The following XYLB variants were observed in gnomAD, a reference collection of about 807,000 sequenced individuals.
XYLB encodes xylulokinase, also known as xylulose kinase.
XYLB carries 62 observed loss-of-function variants against 78.7 expected under a neutral mutation model. The observed-to-expected ratio is 0.79, with a 90% CI of 0.64 to 0.97. XYLB has a LOEUF of 0.97. XYLB is among the 50% of genes least tolerant of loss of function. The pLI is 0.00. For missense variants in XYLB, 687 were observed against 676.8 expected (o/e 1.02, Z -0.17); for synonymous variants, 245 against 247.4 (o/e 0.99, Z 0.09).
chr3:38,392,359 C>T (rs1389812188), intron 15 of XYLB, among the ~76,000 whole-genome samples: 7 of 152,098 alleles, frequency 4.6e-5, no homozygotes, highest in East Asian at 1.9e-4. Context: ...AGTGCAATGG[C>T]GCGATCTCGG....
chr3:38,448,678 T>TCCTC, the XYLB span, among the ~76,000 whole-genome samples: 1 of 152,210 alleles, frequency 6.6e-6, no homozygotes, highest in Non-Finnish European at 1.5e-5. Context: ...CTCTGGTGGG[T>TCCTC]AGTTAAATTA....
chr3:38,366,725 T>G (rs1706282550), intron 6 of XYLB, 83 bp from the exon 7 acceptor site: 2 of 946,834 alleles, frequency 2.1e-6, no homozygotes. Context: ...ATCCAGAGCA[T>G]GCTACATTAA....
At position 38,372,756 on chromosome 3, in the gene XYLB, T is replaced by A. The variant is rs569394207; in HGVS notation, c.847+20T>A. The A allele has an allele frequency of 3.4e-5, 55 of 1,613,014 alleles. No homozygotes were observed. The highest frequency in any genetic ancestry group is 1.7e-4 in the Middle Eastern group (1 of 6,060). On this transcript the variant is annotated intron_variant, in intron 10 of 18. Transcript: ENST00000207870. Reference sequence around the variant, plus strand: ...ACCCAGGTGAGTATCTCGGGGAGTTTCACTCTCCAGTGAGCCTGACTGGGT... The same window carrying A: ...ACCCAGGTGAGTATCTCGGGGAGTTACACTCTCCAGTGAGCCTGACTGGGT...
intron 10 of XYLB, among the ~76,000 whole-genome samples, chr3:38,373,915 A>T (rs1445556867): frequency 4.6e-5 from 7 of 151,828 alleles, no homozygotes; most frequent in Admixed American, 4.6e-4. Flanking sequence ...GCTACTTGGG[A>T]GGCTGAGGTG....
Position 38,354,411 on chromosome 3 carries a change from G to GT in XYLB, c.140+5788dup, listed in dbSNP as rs201038129. On this transcript the variant is annotated intron_variant, in intron 2 of 18. Coordinates refer to ENST00000207870, the MANE Select transcript of XYLB (RefSeq NM_005108.4). ...CTAGAATTGTTGGTCCCCTCTGTTT[G>GT]TTTTTTTTTCCAGAGTTTCCATGGC... is the stretch of plus-strand genomic sequence containing the variant. 1.7e-4 allele frequency among the ~76,000 whole-genome samples: 26 copies of GT among 149,196 alleles called. No homozygotes were observed. The East Asian group carries it at 2.5e-3, about 15-fold the overall frequency.
chr3:38,354,470 T>C (rs935619707), intron 2 of XYLB, among the ~76,000 whole-genome samples: 6 of 152,082 alleles, frequency 3.9e-5, no homozygotes, highest in Admixed American at 3.9e-4. Flanking sequence ...TACTTCAGAA[T>C]CAGCTTTTCA....
At chr3:38,416,456 C>T (rs1446583448), downstream of XYLB, among the ~76,000 whole-genome samples, 1 of 151,826 alleles carries the variant, frequency 6.6e-6, no homozygotes, top group African/African-American at 2.4e-5. Context: ...GTAAATGTAC[C>T]ATCATACAGT....
downstream of XYLB, among the ~76,000 whole-genome samples, chr3:38,425,325 T>C (rs1709078726): frequency 6.6e-6 from 1 of 152,234 alleles, no homozygotes; most frequent in African/African-American, 2.4e-5. Context: ...AGCTATATTT[T>C]TCTCTATATG....
chr3:38,386,871 A>C (rs748995803), intron 15 of XYLB, among the ~76,000 whole-genome samples: 1 of 152,178 alleles, frequency 6.6e-6, no homozygotes, highest in African/African-American at 2.4e-5. Context: ...TATTTATTTT[A>C]CTTCATATTA....
At chr3:38,363,941 A>G (rs762239430) in intron 4 of XYLB, among the ~76,000 whole-genome samples, 2 of 152,148 alleles carry the variant, frequency 1.3e-5, no homozygotes, top group Non-Finnish European at 2.9e-5. Context: ...TTCTTCCTCC[A>G]TGACCTAACA....
chr3:38,412,882 G>T, intron 18 of XYLB, 54 bp from the exon 19 acceptor site: 1 of 1,485,218 alleles, frequency 6.7e-7, no homozygotes, highest in Non-Finnish European at 9.2e-7. Flanking sequence ...AGTGCAACCA[G>T]ATGTAAGAGG....
chr3:38,379,459 C>A, intron 15 of XYLB, 117 bp downstream of exon 15: 2 of 974,456 alleles, frequency 2.1e-6, no homozygotes, highest in Non-Finnish European at 3.1e-6. Flanking sequence ...GGGACTTGTG[C>A]AGGAGGGAGG....
At chr3:38,426,235 G>C (rs535409656), downstream of XYLB, among the ~76,000 whole-genome samples, 23 of 152,296 alleles carry the variant, frequency 1.5e-4, 1 homozygote, top group East Asian at 3.9e-3. Context: ...CCAGAAACTA[G>C]CTAATCAAAT....
intron 9 of XYLB, chr3:38,372,263 G>A (rs1706607893): frequency 3.4e-6 from 1 of 293,628 alleles, no homozygotes; most frequent in African/African-American, 2.3e-5. Context: ...GAGTGAGTGT[G>A]TGAGGCATTA....
chr3:38,428,422 A>C, the XYLB span, among the ~76,000 whole-genome samples: 13 of 152,300 alleles, frequency 8.5e-5, no homozygotes, highest in South Asian at 2.7e-3. Flanking sequence ...GAAGTAGTAA[A>C]ATCTCCAACC....
chr3:38,370,674 A>T (rs1042006120), intron 9 of XYLB, among the ~76,000 whole-genome samples: 1 of 152,190 alleles, frequency 6.6e-6, no homozygotes, highest in Admixed American at 6.5e-5. Context: ...GAATGATGCT[A>T]TTCATCTTAC....
intron 7 of XYLB, 77 bp downstream of exon 7, chr3:38,366,950 C>G (rs561633645): frequency 1.1e-5 from 11 of 978,818 alleles, no homozygotes; most frequent in Non-Finnish European, 1.4e-5. Context: ...ATACATCTTA[C>G]GTGCAGTGAC....
rs533107079 is a variant in XYLB at position 38,389,310 on chromosome 3, A to T, written c.1292-6195A>T. ...CCAAGGCAGAAGAATTTTTCTTAGT[A>T]CAGAACAAAATGAAAAGTCTCCCAT... On this transcript the variant is annotated intron_variant, in intron 15 of 18. Coordinates refer to ENST00000207870, the MANE Select transcript of XYLB (RefSeq NM_005108.4). 8.2e-4 allele frequency among the ~76,000 whole-genome samples: 123 copies of T among 149,428 alleles called. 1 individual carries two copies. The highest frequency in any genetic ancestry group is 3.0e-3 in the African/African-American group (119 of 39,874).
At chr3:38,386,180 A>G (rs185314269) in intron 15 of XYLB, among the ~76,000 whole-genome samples, 1 of 151,988 alleles carries the variant, frequency 6.6e-6, no homozygotes, top group Admixed American at 6.6e-5. Context: ...CCTCCTTGAC[A>G]TGCAAGCCCC....
Sources: allele counts gnomAD v4.1 joint callset (sites outside exome capture counted in the v4.1 genomes callset), GRCh38; gene constraint gnomAD v4.1.1; transcripts MANE v1.5; gene names NCBI Gene and HGNC (gene_info 2026-07-23, HGNC 2026-07-21).